The following PKD1 variants were observed in gnomAD, a reference collection of about 807,000 sequenced individuals.
PKD1 encodes the protein polycystin 1, transient receptor potential channel interacting.
A neutral mutation model predicts 361.7 loss-of-function variants in PKD1; 81 were observed. The ratio of observed to expected loss-of-function variants is 0.22; its 90% CI spans 0.19 to 0.27. The LOEUF (loss-of-function observed/expected upper bound fraction) is 0.27. PKD1 is among the 10% of genes least tolerant of loss of function. PKD1 has a pLI of 1.00. For missense variants in PKD1, 6,399 were observed against 6,118.3 expected (o/e 1.05, Z -1.53); for synonymous variants, 3,615 against 2,818.3 (o/e 1.28, Z -8.95).
chr16:2,128,540 A>T (rs1047154914), intron 1 of PKD1, among the ~76,000 whole-genome samples: 10 of 152,076 alleles, frequency 6.6e-5, no homozygotes, highest in African/African-American at 2.4e-4. Flanking sequence ...TGCTGATGAA[A>T]TCATCACCAC....
rs1421860642 is a variant in PKD1, at chr16:2,116,966, G to A, written c.1473C>T (p.Ser491=). Reference sequence around the variant, plus strand: ...GCTCCCCGGGCAGCCAGTTCTGGCAGCTCTCCAGGCTGAAGGCCTCGCCCT... The same window carrying A: ...GCTCCCCGGGCAGCCAGTTCTGGCAACTCTCCAGGCTGAAGGCCTCGCCCT... The part of the protein sequence containing the change: ...APQGEAFSLE[S]CQNWLPGEPH... The change falls in exon 7 of 46, where the codon AGC becomes AGT. Residue 491 remains serine (S), a synonymous_variant. Transcript: ENST00000262304. 2 of 1,521,122 alleles carry A rather than the reference G, an allele frequency of 1.3e-6. No homozygotes were observed. Among genetic ancestry groups the A allele is most frequent in the African/African-American group, 1.4e-5 (1 of 73,306 alleles). The allele number at this position is 1,521,122 out of a possible 1,614,324, so 94.2% of individuals were successfully genotyped here.
In PKD1 at chr16:2,090,262, C is replaced by T. The variant is rs754449377; in HGVS notation, c.12444+23G>A. 2.8e-5 allele frequency: 45 copies of T among 1,604,746 alleles called. No homozygotes were observed. The Admixed American group carries it at 7.1e-4, about 25-fold the overall frequency. ...GGCAGAGCCCAGGGCGTGTCCCTCTCCCCCCCACTGGGCCGTACCCACCTC... is the reference window on the plus strand; with the variant it reads ...GGCAGAGCCCAGGGCGTGTCCCTCTTCCCCCCACTGGGCCGTACCCACCTC... On this transcript the variant is annotated intron_variant, in intron 45 of 45. Transcript: ENST00000262304.
chr16:2,100,795 G>C lies in PKD1; in HGVS notation c.9398-229C>G, dbSNP rs980026898. On this transcript the variant is annotated intron_variant, in intron 26 of 45. Transcript: ENST00000262304. This position sits in a 1 kb window ranked among gnomAD's most constrained non-coding sequence, Gnocchi z 4.4. ...TTACATGGAAAGAACTGTAACTTGTGACATGCAAACATGGCTGCACACGCC... is the reference window on the plus strand; with the variant it reads ...TTACATGGAAAGAACTGTAACTTGTCACATGCAAACATGGCTGCACACGCC... 3 of 580,260 alleles carry C rather than the reference G, an allele frequency of 5.2e-6. No homozygotes were observed. In the African/African-American group the frequency reaches 5.6e-5, roughly 11 times the overall value. The allele number at this position is 580,260 out of a possible 1,614,324, so 35.9% of individuals were successfully genotyped here.
chr16:2,123,964 C>G (rs562805628), intron 1 of PKD1, among the ~76,000 whole-genome samples: 7 of 152,314 alleles, frequency 4.6e-5, no homozygotes, highest in African/African-American at 1.7e-4. Flanking sequence ...TCCCCAGCGC[C>G]GAGCGTCCGA....
chr16:2,116,706 C>G, intron 7 of PKD1, 62 bp from the exon 8 acceptor site: 1 of 1,218,148 alleles, frequency 8.2e-7, no homozygotes, highest in Non-Finnish European at 1.2e-6. Flanking sequence ...GACGAACAGA[C>G]TGGGGACCGA....
chr16:2,091,744 C>A (rs753824647), intron 41 of PKD1, 37 bp downstream of exon 41: 3 of 1,605,102 alleles, frequency 1.9e-6, no homozygotes, highest in Non-Finnish European at 2.5e-6. Flanking sequence ...CTGGTGACTG[C>A]GGCCACCCCG....
rs765611740 is a variant in PKD1 at position 2,090,298 on chromosome 16, C to G, written c.12431G>C (p.Ser4144Thr). The change falls in exon 45 of 46, where the codon AGC becomes ACC. Residue 4144 changes from serine to threonine, a missense_variant. Ser to Thr is a moderately conservative substitution (Grantham distance 58, BLOSUM62 1). Coordinates refer to ENST00000262304, the MANE Select transcript of PKD1 (RefSeq NM_001009944.3). ...LRRLRLWMGL[S>T]KVKEFRHKVR... is the part of the protein sequence containing the mutation. ...GGCCGTACCCACCTCCTTGACCTTG[C>G]TGAGGCCCATCCAGAGGCGCAGCCT... is the stretch of plus-strand genomic sequence containing the variant. The G allele has an allele frequency of 5.6e-6, 9 of 1,610,198 alleles. No homozygotes were observed. The African/African-American group carries it at 9.4e-5, about 17-fold the overall frequency.
In PKD1 at chr16:2,113,206, C is replaced by T. The variant is rs1017172050; in HGVS notation, c.2940G>A (p.Val980=). Residue 980 remains valine (V), a synonymous_variant, in exon 12 of 46, where the codon GTG becomes GTA. Coordinates refer to ENST00000262304, the MANE Select transcript of PKD1 (RefSeq NM_001009944.3). ...NDKQSLTFQN[V]VFNVIYQSAA... is the part of the protein sequence containing the mutation. ...CGCTCTGATAAATGACATTGAAGAC[C>T]ACGTTCTGGAAGGTCAGGGACTGCT... 1.2e-5 allele frequency: 16 copies of T among 1,376,022 alleles called. No homozygotes were observed. Among genetic ancestry groups the T allele is most frequent in the African/African-American group, 7.2e-5 (5 of 69,594 alleles). 85.2% of individuals were successfully genotyped at this position (1,376,022 alleles called of 1,614,324 possible).
rs375959717 is a variant in PKD1, at chr16:2,093,832, G to A, written c.10800C>T (p.Phe3600=). 9.6e-6 allele frequency: 15 copies of A among 1,561,052 alleles called. No homozygotes were observed. Among genetic ancestry groups the A allele is most frequent in the East Asian group, 2.4e-5 (1 of 42,074 alleles). The change falls in exon 36 of 46, where the codon TTC becomes TTT. Residue 3600 remains phenylalanine, a synonymous_variant. Transcript: ENST00000262304. ...LSSSASFLAS[F]LGWEPLKVLL... ...TCACCTTCAGTGGCTCCCAGCCGAGGAATGAGGCCAGGAAGCTGGCGCTGC... is the reference window on the plus strand; with the variant it reads ...TCACCTTCAGTGGCTCCCAGCCGAGAAATGAGGCCAGGAAGCTGGCGCTGC...
Position 2,091,039 on chromosome 16 carries a change from G to A in PKD1, c.11848C>T (p.Leu3950=), listed in dbSNP as rs1450142696. The A allele has an allele frequency of 1.8e-5, 27 of 1,528,410 alleles. No homozygotes were observed. The Admixed American group carries it at 2.6e-4, about 15-fold the overall frequency. The allele number at this position is 1,528,410 out of a possible 1,614,324, so 94.7% of individuals were successfully genotyped here. The change falls in exon 43 of 46, where the codon CTG becomes TTG. Residue 3950 remains leucine (L), a synonymous_variant. Transcript: ENST00000262304. ...LLVALTAATA[L]VRLAQLGAAD... ...GCACCCAGCTGGGCGAGGCGTACCA[G>A]TGCCGTGGCCGCCGTCAGCGCCACC...
In PKD1 at chr16:2,110,143, G is replaced by T; in HGVS notation, c.5024C>A (p.Ala1675Asp). 6.2e-7 allele frequency: 1 copy of T among 1,609,814 alleles called. No homozygotes were observed. Among genetic ancestry groups the T allele is most frequent in the Non-Finnish European group, 8.5e-7 (1 of 1,179,460 alleles). ...SWTAWRDRGP[A>D]LAGSGKGFSL... ...GAAGCCTTTGCCGCTGCCGGCCAGG[G>T]CCGGGCCCCTGTCCCTCCAGGCAGT... is the stretch of plus-strand genomic sequence containing the variant. The change falls in exon 15 of 46, where the codon GCC becomes GAC. Residue 1675 changes from alanine (A) to aspartate (D), a missense_variant. Coordinates refer to ENST00000262304, the MANE Select transcript of PKD1 (RefSeq NM_001009944.3).
intron 22 of PKD1, among the ~76,000 whole-genome samples, 186 bp downstream of exon 22, chr16:2,104,312 T>C (rs1596530462): frequency 2.0e-5 from 1 of 51,202 alleles, no homozygotes; most frequent in African/African-American, 9.2e-5. Context: ...AGAAAAGGGA[T>C]GGTAATAGGG....
Position 2,088,881 on chromosome 16 carries a change from G to GCA in PKD1, c.*844_*845dup, listed in dbSNP as rs56279647. On this transcript the variant is annotated 3_prime_UTR_variant, in exon 46 of 46. Coordinates refer to ENST00000262304, the MANE Select transcript of PKD1 (RefSeq NM_001009944.3). ...ACAGCACACTCGCGCGTGCGCGCGCGCACACACACACACACACAGTCACCT... is the reference window on the plus strand; with the variant it reads ...ACAGCACACTCGCGCGTGCGCGCGCGCACACACACACACACACACAGTCACCT... The GCA allele has an allele frequency of 0.043, 18,182 of 420,926 alleles. 483 individuals are homozygous for GCA. The highest frequency in any genetic ancestry group is 0.14 in the East Asian group (3,394 of 23,738). The allele number at this position is 420,926 out of a possible 1,614,324, so 26.1% of individuals were successfully genotyped here.
In PKD1 at chr16:2,102,435, G is replaced by A. The variant is rs2092134865; in HGVS notation, c.9147C>T (p.Thr3049=). The A allele has an allele frequency of 7.7e-6, 12 of 1,552,072 alleles. No individual in the cohort carries two copies. The highest frequency in any genetic ancestry group is 1.4e-5 in the African/African-American group (1 of 73,176). Residue 3049 remains threonine (T), a synonymous_variant, in exon 25 of 46, where the codon ACC becomes ACT. Transcript: ENST00000262304. ...RQAVCLTRHL[T]AFGASLFVPP... ...GCACGAAGAGGCTGGCGCCGAAGGC[G>A]GTGAGGTGGCGGGTGAGGCAGACGG...
Position 2,097,197 on chromosome 16 carries a change from G to C in PKD1, c.10450C>G (p.Pro3484Ala), listed in dbSNP as rs1266100711. The change falls in exon 34 of 46, where the codon CCA becomes GCA. Residue 3484 changes from proline (P) to alanine (A), a missense_variant. Transcript: ENST00000262304. The stretch of plus-strand genomic sequence containing the variant: ...ATGTGGGTGTCTTGGGTAGGGGCTG[G>C]GCTGCTGACCCCCTCGGCAAGGACC... ...QQVLAEGVSS[P>A]APTQDTHMET... 4.5e-6 allele frequency: 7 copies of C among 1,564,838 alleles called. No individual in the cohort carries two copies. The highest frequency in any genetic ancestry group is 3.3e-4 in the Middle Eastern group (2 of 6,020).
At position 2,118,785 on chromosome 16, in the gene PKD1, C is replaced by T. The variant is rs996550984; in HGVS notation, c.420G>A (p.Ala140=). The T allele has an allele frequency of 9.4e-6, 14 of 1,485,684 alleles. No homozygotes were observed. Among genetic ancestry groups the T allele is most frequent in the East Asian group, 6.8e-5 (3 of 44,218 alleles). 92.0% of individuals were successfully genotyped at this position (1,485,684 alleles called of 1,614,324 possible). A position where few individuals can be genotyped will look rare whatever the true frequency, so the allele number is the denominator to read the frequency against. Residue 140 remains alanine, a synonymous_variant, in exon 4 of 46, where the codon GCG becomes GCA. Transcript: ENST00000262304. The surrounding 1 kb of genome is among the most constrained non-coding windows in gnomAD (Gnocchi z 6.0). ...GCACCACCCGCACCTGCTGCTCCTC[C>T]GCCCATCGCGGCAGCCACGCCAGGC... ...DCGLAWLPRW[A]EEQQVRVVQP...
rs989311043 is a variant in PKD1, at chr16:2,089,790, C to A, written c.12849G>T (p.Leu4283=). 4 of 1,597,374 alleles carry A rather than the reference C, an allele frequency of 2.5e-6. No individual in the cohort carries two copies. Among genetic ancestry groups the A allele is most frequent in the Admixed American group, 1.7e-5 (1 of 57,244 alleles). Reference sequence around the variant, plus strand: ...GGGGTGTCCTGCTGGGGCCAGTGGCCAGGTCCACACCCCGACTGGCCCGGG... The same window carrying A: ...GGGGTGTCCTGCTGGGGCCAGTGGCAAGGTCCACACCCCGACTGGCCCGGG... ...RLARASRGVD[L]ATGPSRTPLR... The change falls in exon 46 of 46, where the codon CTG becomes CTT. Residue 4283 remains leucine, a synonymous_variant. Transcript: ENST00000262304.
In PKD1 at chr16:2,088,904, C is replaced by CACA; in HGVS notation, c.*822_*823insTGT. ...GCGCACACACACACACACACAGTCA[C>CACA]CTTCCTCCACCCTGGGAGCCAGCCC... is the stretch of plus-strand genomic sequence containing the variant. On this transcript the variant is annotated 3_prime_UTR_variant, in exon 46 of 46. Transcript: ENST00000262304. 1 of 420,128 alleles carries CACA rather than the reference C, an allele frequency of 2.4e-6. No homozygotes were observed. The highest frequency in any genetic ancestry group is 4.4e-6 in the Non-Finnish European group (1 of 228,938). The allele number at this position is 420,128 out of a possible 1,614,324, so 26.0% of individuals were successfully genotyped here.
At chr16:2,112,544 G>C in intron 13 of PKD1, 71 bp from the exon 14 acceptor site, 1 of 1,405,980 alleles carries the variant, frequency 7.1e-7, no homozygotes, top group South Asian at 1.2e-5. Flanking sequence ...GGGGTGCTTG[G>C]GACCCAGCCG....
Sources: allele counts gnomAD v4.1 joint callset (sites outside exome capture counted in the v4.1 genomes callset), GRCh38; gene constraint gnomAD v4.1.1; non-coding constraint Gnocchi (gnomAD v3.1); transcripts MANE v1.5; gene names NCBI Gene and HGNC (gene_info 2026-07-23, HGNC 2026-07-21).